NUP133: variants seen among roughly 807,000 people sequenced by gnomAD.
The protein encoded by NUP133 is nuclear pore complex protein Nup133.
In NUP133, 66 loss-of-function variants were observed where a neutral mutation model predicts 146.2. The ratio of observed to expected loss-of-function variants is 0.45; its 90% CI spans 0.37 to 0.55. The LOEUF (loss-of-function observed/expected upper bound fraction) is 0.55. Among genes scored for constraint, NUP133 ranks in the 20% least tolerant of loss-of-function variants. NUP133 has a pLI of 0.00. For synonymous variants in NUP133, 521 were observed against 498.8 expected (o/e 1.04, Z -0.59); for missense variants, 1,277 against 1,374.8 (o/e 0.93, Z 1.12).
chr1:229,495,673 G>C, intron 7 of NUP133, 108 bp from the exon 8 acceptor site: 1 of 916,422 alleles, frequency 1.1e-6, no homozygotes, highest in Non-Finnish European at 1.7e-6. Context: ...CTCAGTTGCT[G>C]AATAATGTAT....
intron 14 of NUP133, among the ~76,000 whole-genome samples, chr1:229,473,740 T>C (rs1365910761): frequency 6.6e-6 from 1 of 152,002 alleles, no homozygotes; most frequent in Non-Finnish European, 1.5e-5. Context: ...CTGGGCAATA[T>C]GGCAAAACCC....
At position 229,462,949 on chromosome 1, in the gene NUP133, A is replaced by G. The variant is rs561348234; in HGVS notation, c.2685+594T>C. Among the ~76,000 whole-genome samples, 3 of 152,344 alleles carry G rather than the reference A, an allele frequency of 2.0e-5. No homozygotes were observed. In the South Asian group the frequency reaches 6.2e-4, roughly 32 times the overall value. On this transcript the variant is annotated intron_variant, in intron 19 of 25. Coordinates refer to ENST00000261396, the MANE Select transcript of NUP133 (RefSeq NM_018230.3). The stretch of plus-strand genomic sequence containing the variant: ...CTAAGCTCTCTTAAAGTAGTCTTCT[A>G]TGCTCCCGAGTATCTTCTATACAAT...
chr1:229,467,222 A>G (rs958243956), intron 15 of NUP133, among the ~76,000 whole-genome samples: 2 of 152,238 alleles, frequency 1.3e-5, no homozygotes, highest in Admixed American at 1.3e-4. Flanking sequence ...ACATAAGAGA[A>G]TGAACTAAAT....
At position 229,470,632 on chromosome 1, in the gene NUP133, C is replaced by G; in HGVS notation, c.2024G>C (p.Arg675Thr). 1 of 1,614,204 alleles carries G rather than the reference C, an allele frequency of 6.2e-7. No individual in the cohort carries two copies. The highest frequency in any genetic ancestry group is 8.5e-7 in the Non-Finnish European group (1 of 1,180,036). The change falls in exon 15 of 26, where the codon AGG becomes ACG. Residue 675 changes from arginine (R) to threonine (T), a missense_variant. Physicochemically the swap from Arg to Thr is moderately conservative, Grantham distance 71. This residue lies in a region of NUP133 where 952 missense variants were observed against 1,047.0 expected (regional missense o/e 0.91). Coordinates refer to ENST00000261396, the MANE Select transcript of NUP133 (RefSeq NM_018230.3). ...CAGGTTGGATGGGATTTCATACTCC[C>G]TCTTGTTCAAAGCAATCAATATGGC... ...NTAILIALNK[R>T]EYEIPSNLTP...
At chr1:229,506,439 C>T (rs1232406956) in intron 1 of NUP133, among the ~76,000 whole-genome samples, 1 of 144,830 alleles carries the variant, frequency 6.9e-6, no homozygotes, top group African/African-American at 2.5e-5. Flanking sequence ...TAAGGCTTAA[C>T]TAGACCAGTG....
Position 229,490,028 on chromosome 1 carries a change from G to A in NUP133, c.1121C>T (p.Thr374Ile), listed in dbSNP as rs1352104529. 7 of 1,611,808 alleles carry A rather than the reference G, an allele frequency of 4.3e-6. No individual in the cohort carries two copies. Among genetic ancestry groups the A allele is most frequent in the Non-Finnish European group, 5.9e-6 (7 of 1,178,512 alleles). ...CATTTGGCAACCATTATCTTCTATTGTTATCAGAGAGTAATAGATGAGACA... is the reference window on the plus strand; with the variant it reads ...CATTTGGCAACCATTATCTTCTATTATTATCAGAGAGTAATAGATGAGACA... Reference protein sequence around the residue: ...NPCLIYYSLITIEDNGCQMSD... With the variant: ...NPCLIYYSLIIIEDNGCQMSD... The change falls in exon 9 of 26, where the codon ACA becomes ATA. Residue 374 changes from threonine (T) to isoleucine (I), a missense_variant. Thr to Ile is a moderately conservative substitution (Grantham distance 89, BLOSUM62 -1). Transcript: ENST00000261396.
intron 8 of NUP133, among the ~76,000 whole-genome samples, chr1:229,493,720 C>A (rs192617918): frequency 3.9e-4 from 59 of 152,330 alleles, no homozygotes; most frequent in African/African-American, 1.4e-3. Context: ...CTCACAGGGA[C>A]CCTGCTGGTC....
At chr1:229,460,555 A>G in intron 20 of NUP133, 56 bp downstream of exon 20, 2 of 1,541,920 alleles carry the variant, frequency 1.3e-6, no homozygotes, top group South Asian at 2.4e-5. Context: ...AACAAAACTA[A>G]TTAAAACTAC....
chr1:229,498,031 C>T, intron 6 of NUP133, 105 bp downstream of exon 6: 1 of 707,784 alleles, frequency 1.4e-6, no homozygotes, highest in Non-Finnish European at 2.1e-6. Flanking sequence ...TTTTATTTCG[C>T]ATAAGCTACT....
chr1:229,490,970 A>C (rs976344399), intron 8 of NUP133, among the ~76,000 whole-genome samples: 4 of 152,048 alleles, frequency 2.6e-5, no homozygotes, highest in African/African-American at 9.7e-5. Flanking sequence ...AAGAAAAAAA[A>C]AACAACTTGT....
chr1:229,498,076 T>C, intron 6 of NUP133, 60 bp downstream of exon 6: 1 of 1,279,426 alleles, frequency 7.8e-7, no homozygotes, highest in Non-Finnish European at 1.1e-6. Flanking sequence ...CAGAGGATAC[T>C]TTCAACTTAT....
chr1:229,474,987 C>T (rs1220822286), intron 14 of NUP133, among the ~76,000 whole-genome samples: 1 of 152,026 alleles, frequency 6.6e-6, no homozygotes, highest in Non-Finnish European at 1.5e-5. Context: ...AACCTGTAGT[C>T]CCAGCTACCC....
chr1:229,491,647 G>A lies in NUP133; in HGVS notation c.1047-1545C>T, dbSNP rs115830692. On this transcript the variant is annotated intron_variant, in intron 8 of 25. Coordinates refer to ENST00000261396, the MANE Select transcript of NUP133 (RefSeq NM_018230.3). ...ACAAAAGTTAGCCCAGCATGGTGGCGTGTGCCTGTAATCTCAGCTACTCGG... is the reference window on the plus strand; with the variant it reads ...ACAAAAGTTAGCCCAGCATGGTGGCATGTGCCTGTAATCTCAGCTACTCGG... Among the ~76,000 whole-genome samples, 1,147 of 152,272 alleles carry A rather than the reference G, an allele frequency of 7.5e-3. 12 individuals carry two copies. Among genetic ancestry groups the A allele is most frequent in the African/African-American group, 0.025 (1,046 of 41,544 alleles).
intron 2 of NUP133, among the ~76,000 whole-genome samples, chr1:229,503,702 T>C (rs1244939870): frequency 6.6e-6 from 1 of 152,204 alleles, no homozygotes; most frequent in Non-Finnish European, 1.5e-5. Flanking sequence ...ATCTGCTCAG[T>C]AATTTTCTTT....
At chr1:229,449,871 A>AT (rs1558088552) in intron 23 of NUP133, among the ~76,000 whole-genome samples, 96 of 102,006 alleles carry the variant, frequency 9.4e-4, no homozygotes, top group African/African-American at 3.4e-3. Flanking sequence ...ATATATATAT[A>AT]TATTTTTTTT....
At chr1:229,485,759 G>A (rs1281893558) in intron 11 of NUP133, among the ~76,000 whole-genome samples, 1 of 152,170 alleles carries the variant, frequency 6.6e-6, no homozygotes, top group Non-Finnish European at 1.5e-5. Context: ...AGTTGCTCCA[G>A]GCAAAGAGGA....
chr1:229,456,132 G>T (rs1660553741), intron 21 of NUP133, among the ~76,000 whole-genome samples: 1 of 152,224 alleles, frequency 6.6e-6, no homozygotes, highest in African/African-American at 2.4e-5. Context: ...ATTTTGGCAA[G>T]AACAGGACAC....
chr1:229,464,844 T>G lies in NUP133; in HGVS notation c.2331A>C (p.Val777=), dbSNP rs1417843302. ...GGACAATCTCATGCTGGCGTATTATTACCGTTCGGATGCCACCAGGACCAC... is the reference window on the plus strand; with the variant it reads ...GGACAATCTCATGCTGGCGTATTATGACCGTTCGGATGCCACCAGGACCAC... The part of the protein sequence containing the change: ...ATSGPGGIRT[V]IIRQHEIVLK... The change falls in exon 18 of 26, where the codon GTA becomes GTC. Residue 777 remains valine (V), a synonymous_variant. Transcript: ENST00000261396. The G allele has an allele frequency of 6.2e-6, 10 of 1,614,106 alleles. No homozygotes were observed. Among genetic ancestry groups the G allele is most frequent in the Non-Finnish European group, 8.5e-6 (10 of 1,180,042 alleles).
intron 21 of NUP133, 84 bp downstream of exon 21, chr1:229,458,077 T>C (rs1660607024): frequency 7.2e-7 from 1 of 1,394,540 alleles, no homozygotes; most frequent in Non-Finnish European, 9.8e-7. Context: ...AAGAGATAGA[T>C]CCTGCTAACT....
Sources: gnomAD v4.1 joint callset for allele counts (sites outside exome capture counted in the v4.1 genomes callset) on GRCh38, gnomAD v4.1.1 for gene constraint, gnomAD v4.1.1 regional missense constraint, MANE v1.5 for transcripts, NCBI Gene and HGNC (gene_info 2026-07-23, HGNC 2026-07-21) for gene names.